NXPH1: variants seen among roughly 807,000 people sequenced by gnomAD.
NXPH1 encodes neurexophilin-1.
In NXPH1, 5 loss-of-function variants were observed where a neutral mutation model predicts 23.7. The ratio of observed to expected loss-of-function variants is 0.21; its 90% confidence interval spans 0.11 to 0.44. The LOEUF (loss-of-function observed/expected upper bound fraction) is 0.44, where lower values mean the gene tolerates loss of function less well. NXPH1 is among the 20% of genes least tolerant of loss of function. The pLI, the probability that NXPH1 is intolerant of heterozygous loss-of-function variation, is 0.99. For missense variants in NXPH1, 324 were observed against 321.6 expected (o/e 1.01, Z -0.06); for synonymous variants, 144 against 122.2 (o/e 1.18, Z -1.18).
At chr7:8,489,795 A>C (rs746966355) in intron 2 of NXPH1, among the ~76,000 whole-genome samples, 8 of 152,184 alleles carry the variant, frequency 5.3e-5, no homozygotes, top group Non-Finnish European at 1.0e-4. Flanking sequence ...TTTAACCTCC[A>C]CCAACAAATT....
chr7:8,749,252 C>A (rs959506765), intron 2 of NXPH1, among the ~76,000 whole-genome samples: 1 of 152,168 alleles, frequency 6.6e-6, no homozygotes, highest in Non-Finnish European at 1.5e-5. Context: ...TCACTCAATC[C>A]TCACAAACTT....
chr7:8,704,094 G>A (rs1299818402), intron 2 of NXPH1, among the ~76,000 whole-genome samples: 2 of 152,096 alleles, frequency 1.3e-5, no homozygotes, highest in African/African-American at 4.8e-5. Flanking sequence ...ATAGCATAAG[G>A]TTAAACTTAC....
At chr7:8,640,429 G>A (rs141607350) in intron 2 of NXPH1, among the ~76,000 whole-genome samples, 2 of 149,472 alleles carry the variant, frequency 1.3e-5, no homozygotes, top group East Asian at 4.1e-4. Flanking sequence ...TATTTATTAA[G>A]TATTAAATAT....
At chr7:8,603,201 A>G (rs1016848527) in intron 2 of NXPH1, among the ~76,000 whole-genome samples, 1 of 152,178 alleles carries the variant, frequency 6.6e-6, no homozygotes, top group African/African-American at 2.4e-5. Flanking sequence ...TATTGACTGT[A>G]AGTAAGGAGC....
rs536600706 is a variant in NXPH1 at position 8,443,342 on chromosome 7, CT to C, written c.54+7576del. On this transcript the variant is annotated intron_variant, in intron 2 of 2. Coordinates refer to ENST00000405863, the MANE Select transcript of NXPH1 (RefSeq NM_152745.3). ...CCCATTCTTTCACAGTTCATTAAAT[CT>C]ACCCCTCCCCCGAAACAGAAACGTG... Among the ~76,000 whole-genome samples, 149 of 152,358 alleles carry C rather than the reference CT, an allele frequency of 9.8e-4. 1 individual carries two copies. Among genetic ancestry groups the C allele is most frequent in the East Asian group, 5.0e-3 (26 of 5,182 alleles).
intron 2 of NXPH1, among the ~76,000 whole-genome samples, chr7:8,514,137 A>AAGTTACATTCTAAGGT (rs1276092179): frequency 2.0e-5 from 3 of 152,100 alleles, no homozygotes; most frequent in African/African-American, 7.2e-5. Flanking sequence ...TTTCCAAATA[A>AAGTTACATTCTAAGGT]AGTTACATTC....
chr7:8,655,437 T>TGC (rs1820561621), intron 2 of NXPH1, among the ~76,000 whole-genome samples: 1 of 66,866 alleles, frequency 1.5e-5, no homozygotes, highest in Non-Finnish European at 3.2e-5. Flanking sequence ...TCTCTCTCTC[T>TGC]CTCTCTCTCT....
intron 2 of NXPH1, among the ~76,000 whole-genome samples, chr7:8,471,516 G>A (rs1816871613): frequency 6.6e-6 from 1 of 152,108 alleles, no homozygotes; most frequent in South Asian, 2.1e-4. Flanking sequence ...TTGGAAATGG[G>A]TTGTAAATAC....
intron 2 of NXPH1, among the ~76,000 whole-genome samples, chr7:8,592,766 G>T (rs981084474): frequency 6.6e-6 from 1 of 151,202 alleles, no homozygotes; most frequent in Non-Finnish European, 1.5e-5. Context: ...TTCCCGTAAT[G>T]CTTTATTTTT....
chr7:8,440,614 G>A (rs1444624113), intron 2 of NXPH1, among the ~76,000 whole-genome samples: 1 of 152,142 alleles, frequency 6.6e-6, no homozygotes, highest in Non-Finnish European at 1.5e-5. Flanking sequence ...AAGATTTTCT[G>A]CAGACTACAG....
chr7:8,652,265 A>G (rs1473926544), intron 2 of NXPH1, among the ~76,000 whole-genome samples: 2 of 152,186 alleles, frequency 1.3e-5, no homozygotes, highest in Non-Finnish European at 2.9e-5. Context: ...GAAATAACCA[A>G]TGCTACATTT....
At chr7:8,461,869 C>A (rs1008848814) in intron 2 of NXPH1, among the ~76,000 whole-genome samples, 2 of 137,302 alleles carry the variant, frequency 1.5e-5, no homozygotes, top group African/African-American at 5.5e-5. Flanking sequence ...CACACAAGTG[C>A]ATACATGCAC....
At chr7:8,504,810 G>A (rs185408759) in intron 2 of NXPH1, among the ~76,000 whole-genome samples, 2 of 152,186 alleles carry the variant, frequency 1.3e-5, no homozygotes, top group Non-Finnish European at 2.9e-5. Context: ...TCTGCTAAGT[G>A]AGGATATAAT....
At chr7:8,513,874 C>G (rs971914119) in intron 2 of NXPH1, among the ~76,000 whole-genome samples, 1 of 152,076 alleles carries the variant, frequency 6.6e-6, no homozygotes, top group Non-Finnish European at 1.5e-5. Context: ...CGTATTGTCT[C>G]TCAGTTCTGG....
At chr7:8,664,925 C>G (rs12540412) in intron 2 of NXPH1, among the ~76,000 whole-genome samples, 9,698 of 151,942 alleles carry the variant, frequency 0.064, 680 homozygotes, top group East Asian at 0.25. Context: ...GTGTTTTAAT[C>G]TCTTATCAGG....
intron 2 of NXPH1, among the ~76,000 whole-genome samples, chr7:8,600,335 T>G (rs1287559395): frequency 6.6e-6 from 1 of 152,166 alleles, no homozygotes; most frequent in Non-Finnish European, 1.5e-5. Context: ...AAGGTTCAAT[T>G]TATTTCCTAC....
chr7:8,623,610 T>G (rs1819923339), intron 2 of NXPH1, among the ~76,000 whole-genome samples: 1 of 123,056 alleles, frequency 8.1e-6, no homozygotes, highest in East Asian at 1.9e-4. Context: ...AGACTGGATT[T>G]TAGGTAATAT....
At position 8,435,896 on chromosome 7, in the gene NXPH1, C is replaced by T; in HGVS notation, c.54+129C>T. 2.3e-6 allele frequency: 2 copies of T among 867,200 alleles called. No homozygotes were observed. The highest frequency in any genetic ancestry group is 3.9e-6 in the Non-Finnish European group (2 of 511,874). The allele number at this position is 867,200 out of a possible 1,614,324, so 53.7% of individuals were successfully genotyped here. On this transcript the variant is annotated intron_variant, in intron 2 of 2. Coordinates refer to ENST00000405863, the MANE Select transcript of NXPH1 (RefSeq NM_152745.3). This position sits in a 1 kb window ranked among gnomAD's most constrained non-coding sequence, Gnocchi z 5.9. ...CAGCTTCCTAGCAGCTGTGTTGGAG[C>T]AACTTTGGCAAGCTGGTCTCTGGAT... is the stretch of plus-strand genomic sequence containing the variant.
chr7:8,574,433 T>G (rs950485621), intron 2 of NXPH1, among the ~76,000 whole-genome samples: 3 of 151,986 alleles, frequency 2.0e-5, no homozygotes, highest in South Asian at 2.1e-4. Flanking sequence ...CACATAGATG[T>G]TTTTATGGAG....
Sources: gnomAD v4.1 joint callset for allele counts (sites outside exome capture counted in the v4.1 genomes callset) on GRCh38, gnomAD v4.1.1 for gene constraint, Gnocchi (gnomAD v3.1) non-coding constraint, MANE v1.5 for transcripts, NCBI Gene and HGNC (gene_info 2026-07-23, HGNC 2026-07-21) for gene names.